SHANK2: variants seen among roughly 807,000 people sequenced by gnomAD.
SHANK2 encodes the protein SH3 and multiple ankyrin repeat domains protein 2.
In SHANK2, 43 loss-of-function variants were observed where a neutral mutation model predicts 133.7. That is an observed-to-expected ratio of 0.32 (90% CI 0.25 to 0.41). The LOEUF is 0.41. Among genes scored for constraint, SHANK2 ranks in the 10% least tolerant of loss-of-function variants. SHANK2 has a pLI of 1.00. For missense variants in SHANK2, 1,994 were observed against 2,235.8 expected (o/e 0.89, Z 2.18); for synonymous variants, 1,017 against 952.8 (o/e 1.07, Z -1.24).
intron 17 of SHANK2, among the ~76,000 whole-genome samples, chr11:70,616,648 C>T (rs1349377061): frequency 6.6e-6 from 1 of 152,166 alleles, no homozygotes; most frequent in African/African-American, 2.4e-5. Context: ...TTAAAACATT[C>T]ACACCTGAGA....
chr11:71,193,938 C>T (rs1484595042), intron 2 of SHANK2, among the ~76,000 whole-genome samples: 4 of 152,190 alleles, frequency 2.6e-5, no homozygotes, highest in African/African-American at 9.7e-5. Context: ...TCTTTAAAGA[C>T]CCTCGCTCCA....
chr11:71,090,930 G>A (rs1319002210), intron 8 of SHANK2, among the ~76,000 whole-genome samples: 1 of 151,850 alleles, frequency 6.6e-6, no homozygotes, highest in African/African-American at 2.4e-5. Flanking sequence ...CATTGGATGG[G>A]GCCCACCCAC....
chr11:70,500,515 G>T lies in SHANK2; in HGVS notation c.2308+55C>A. On this transcript the variant is annotated intron_variant, in intron 21 of 25. Transcript: ENST00000601538. This position sits in a 1 kb window ranked among gnomAD's most constrained non-coding sequence, Gnocchi z 4.5. ...TCACGGCATCACAAAGGATGTTTCT[G>T]TTCCACAGGGGGGTGATGGGCAGGG... The T allele has an allele frequency of 6.3e-7, 1 of 1,579,534 alleles. No homozygotes were observed. The highest frequency in any genetic ancestry group is 2.3e-5 in the East Asian group (1 of 43,264).
At chr11:70,798,872 T>TC (rs1329078619) in intron 13 of SHANK2, among the ~76,000 whole-genome samples, 10 of 152,320 alleles carry the variant, frequency 6.6e-5, no homozygotes, top group African/African-American at 2.4e-4. Flanking sequence ...CCCTGTAGCA[T>TC]CTCTCAGTGT....
At chr11:70,775,488 C>T (rs1470068902) in intron 14 of SHANK2, among the ~76,000 whole-genome samples, 3 of 152,132 alleles carry the variant, frequency 2.0e-5, no homozygotes, top group South Asian at 2.1e-4. Flanking sequence ...TTGCAGACTG[C>T]TTTGATTCAA....
At chr11:70,724,505 A>G (rs529289237) in intron 14 of SHANK2, among the ~76,000 whole-genome samples, 1 of 152,286 alleles carries the variant, frequency 6.6e-6, no homozygotes, top group East Asian at 1.9e-4. Context: ...TCCTGCTAAG[A>G]GCACTGTGAG....
intron 10 of SHANK2, among the ~76,000 whole-genome samples, chr11:70,925,856 G>A (rs1950420115): frequency 6.6e-6 from 1 of 152,192 alleles, no homozygotes; most frequent in Admixed American, 6.5e-5. Context: ...TTGCTCCTAG[G>A]AGAAACACAG....
intron 11 of SHANK2, among the ~76,000 whole-genome samples, chr11:70,876,453 G>C (rs1381167254): frequency 6.6e-6 from 1 of 151,506 alleles, no homozygotes; most frequent in Non-Finnish European, 1.5e-5. Context: ...CCAGCTACTC[G>C]GGAGGCTGAG....
chr11:71,213,640 A>C (rs1480893856), intron 2 of SHANK2, among the ~76,000 whole-genome samples: 1 of 152,052 alleles, frequency 6.6e-6, no homozygotes, highest in East Asian at 1.9e-4. Context: ...TGTTCCCCAC[A>C]CTCGGAAACT....
chr11:70,839,185 A>G (rs1235987245), intron 11 of SHANK2, among the ~76,000 whole-genome samples: 2 of 152,260 alleles, frequency 1.3e-5, no homozygotes, highest in Non-Finnish European at 2.9e-5. Context: ...GGGAGAAGTC[A>G]TCCAATAGGC....
At chr11:70,587,601 A>T (rs1173386969) in intron 17 of SHANK2, among the ~76,000 whole-genome samples, 1 of 152,024 alleles carries the variant, frequency 6.6e-6, no homozygotes, top group Non-Finnish European at 1.5e-5. Context: ...ATGCAGAGGC[A>T]TATCTTGTTT....
At chr11:70,595,578 G>A (rs2060388585) in intron 17 of SHANK2, among the ~76,000 whole-genome samples, 1 of 152,210 alleles carries the variant, frequency 6.6e-6, no homozygotes, top group East Asian at 1.9e-4. Flanking sequence ...TGTCACAGGA[G>A]AGGTGAGGGA....
chr11:70,942,860 G>A (rs782496875), intron 10 of SHANK2: 48 of 456,624 alleles, frequency 1.1e-4, no homozygotes, highest in South Asian at 7.4e-4. Context: ...GACCAGACAG[G>A]CCCTTTGCCT....
At chr11:70,570,024 C>G (rs929126502) in intron 17 of SHANK2, among the ~76,000 whole-genome samples, 1 of 152,196 alleles carries the variant, frequency 6.6e-6, no homozygotes, top group Non-Finnish European at 1.5e-5. Context: ...TGAGTCTCCC[C>G]CTGCACATTA....
intron 6 of SHANK2, among the ~76,000 whole-genome samples, chr11:71,100,947 G>A (rs183146848): frequency 1.3e-5 from 2 of 151,986 alleles, no homozygotes; most frequent in African/African-American, 4.8e-5. Flanking sequence ...AGAGGAGGGA[G>A]GGATGGACGG....
intron 9 of SHANK2, among the ~76,000 whole-genome samples, chr11:71,074,511 T>C (rs1216677606): frequency 2.0e-5 from 3 of 152,160 alleles, no homozygotes; most frequent in Non-Finnish European, 4.4e-5. Context: ...TTTTGCTGTG[T>C]TTTGCTGCAG....
At chr11:70,924,014 G>C (rs1555081117) in intron 10 of SHANK2, among the ~76,000 whole-genome samples, 2 of 152,202 alleles carry the variant, frequency 1.3e-5, no homozygotes, top group African/African-American at 4.8e-5. Flanking sequence ...TGTCTGCTCA[G>C]GGGGAGGCAC....
chr11:70,950,383 G>T (rs978296230), intron 10 of SHANK2, among the ~76,000 whole-genome samples: 1 of 152,048 alleles, frequency 6.6e-6, no homozygotes, highest in African/African-American at 2.4e-5. Flanking sequence ...TAGCGACAGG[G>T]TATCACCATA....
intron 11 of SHANK2, chr11:70,895,525 G>A (rs1949920348): frequency 6.6e-6 from 1 of 152,556 alleles, no homozygotes; most frequent in Non-Finnish European, 1.5e-5. Flanking sequence ...ATGGGAGAGA[G>A]GAGGAGCCCC....
Sources: allele counts gnomAD v4.1 joint callset (sites outside exome capture counted in the v4.1 genomes callset), GRCh38; gene constraint gnomAD v4.1.1; non-coding constraint Gnocchi (gnomAD v3.1); transcripts MANE v1.5; gene names NCBI Gene and HGNC (gene_info 2026-07-23, HGNC 2026-07-21).